PDS5B: variants seen among roughly 807,000 people sequenced by gnomAD.
PDS5B encodes sister chromatid cohesion protein PDS5 homolog B.
In PDS5B, 51 loss-of-function variants were observed where a neutral mutation model predicts 184.1. That is an observed-to-expected ratio of 0.28 (90% CI 0.22 to 0.35). The LOEUF (loss-of-function observed/expected upper bound fraction) is 0.35. Among genes scored for constraint, PDS5B ranks in the 10% least tolerant of loss-of-function variants. PDS5B has a pLI of 1.00. For synonymous variants in PDS5B, 566 were observed against 569.2 expected (o/e 0.99, Z 0.08); for missense variants, 1,180 against 1,723.3 (o/e 0.68, Z 5.58).
chr13:32,724,420 T>C (rs1268403545), intron 19 of PDS5B, among the ~76,000 whole-genome samples: 3 of 152,192 alleles, frequency 2.0e-5, no homozygotes, highest in Admixed American at 1.3e-4. Flanking sequence ...ACATTGTGAT[T>C]GGTTGCTGTG....
chr13:32,627,105 G>T (rs1236011338), intron 1 of PDS5B, among the ~76,000 whole-genome samples: 1 of 152,192 alleles, frequency 6.6e-6, no homozygotes, highest in East Asian at 1.9e-4. Flanking sequence ...TCATGTTCAA[G>T]TGGAACTACC....
chr13:32,598,321 C>A (rs752161297), intron 1 of PDS5B, among the ~76,000 whole-genome samples: 3 of 152,130 alleles, frequency 2.0e-5, no homozygotes, highest in African/African-American at 2.4e-5. Context: ...GATCCACCTG[C>A]CTTGGCCTCC....
At chr13:32,594,060 A>T (rs2057818519) in intron 1 of PDS5B, among the ~76,000 whole-genome samples, 1 of 152,246 alleles carries the variant, frequency 6.6e-6, no homozygotes, top group African/African-American at 2.4e-5. Flanking sequence ...TGATCATTAC[A>T]CATTGTATAT....
chr13:32,600,754 A>C (rs987627906), intron 1 of PDS5B, among the ~76,000 whole-genome samples: 2 of 152,154 alleles, frequency 1.3e-5, no homozygotes, highest in African/African-American at 4.8e-5. Flanking sequence ...CAAAACAAAA[A>C]AATTTGAGGT....
intron 19 of PDS5B, among the ~76,000 whole-genome samples, chr13:32,715,811 G>T (rs1276086842): frequency 1.3e-5 from 2 of 152,150 alleles, no homozygotes; most frequent in African/African-American, 4.8e-5. Flanking sequence ...GGTGCGCGCC[G>T]CCACGCCTGA....
At chr13:32,728,253 C>G (rs904016857) in intron 19 of PDS5B, among the ~76,000 whole-genome samples, 4 of 151,862 alleles carry the variant, frequency 2.6e-5, no homozygotes, top group African/African-American at 7.3e-5. Context: ...TGTAACAGCT[C>G]TTTTAATGTC....
intron 10 of PDS5B, among the ~76,000 whole-genome samples, chr13:32,681,161 CTTCT>C (rs1189556219): frequency 5.9e-5 from 9 of 152,180 alleles, no homozygotes; most frequent in African/African-American, 2.2e-4. Context: ...TGCTTTTTAA[CTTCT>C]ACTCACTGTT....
chr13:32,608,611 A>G (rs1284481905), intron 1 of PDS5B, among the ~76,000 whole-genome samples: 1 of 152,206 alleles, frequency 6.6e-6, no homozygotes, highest in Admixed American at 6.5e-5. Flanking sequence ...TGGAACCTAC[A>G]GAGATTTGGA....
intron 1 of PDS5B, among the ~76,000 whole-genome samples, chr13:32,618,862 C>T (rs2058255624): frequency 6.6e-6 from 1 of 152,012 alleles, no homozygotes; most frequent in African/African-American, 2.4e-5. Context: ...GGGATTGATA[C>T]TTACTTTTTG....
At chr13:32,716,953 C>T (rs1472741374) in intron 19 of PDS5B, among the ~76,000 whole-genome samples, 4 of 112,194 alleles carry the variant, frequency 3.6e-5, no homozygotes, top group Non-Finnish European at 5.8e-5. Flanking sequence ...CCAGCCACCC[C>T]GTCCGGGAGG....
intron 1 of PDS5B, among the ~76,000 whole-genome samples, chr13:32,604,160 C>G (rs559845578): frequency 6.6e-6 from 1 of 152,246 alleles, no homozygotes; most frequent in African/African-American, 2.4e-5. Flanking sequence ...TGCCAGTTTT[C>G]GAAGAGAATG....
At chr13:32,640,499 G>C (rs1020596778) in intron 1 of PDS5B, among the ~76,000 whole-genome samples, 2 of 152,008 alleles carry the variant, frequency 1.3e-5, no homozygotes, top group African/African-American at 4.8e-5. Flanking sequence ...TGCCCACTTT[G>C]GGCTCCCAAA....
At chr13:32,684,707 A>C (rs1951337646) in intron 11 of PDS5B, among the ~76,000 whole-genome samples, 1 of 152,230 alleles carries the variant, frequency 6.6e-6, no homozygotes, top group Non-Finnish European at 1.5e-5. Flanking sequence ...TTTAGGCATA[A>C]GAGTAATTTT....
In PDS5B at chr13:32,596,434, A is replaced by G. The variant is rs115176018; in HGVS notation, c.-20+9841A>G. ...ATCTTCTGTTGATGGACATTTGGGT[A>G]GAATCCAGTTTTTGACTATTATGAA... On this transcript the variant is annotated intron_variant, in intron 1 of 34. Coordinates refer to ENST00000315596, the MANE Select transcript of PDS5B (RefSeq NM_015032.4). 9.5e-3 allele frequency among the ~76,000 whole-genome samples: 1,448 copies of G among 152,290 alleles called. 30 individuals are homozygous for G. Among genetic ancestry groups the G allele is most frequent in the African/African-American group, 0.033 (1,392 of 41,560 alleles).
intron 6 of PDS5B, among the ~76,000 whole-genome samples, chr13:32,662,210 G>A (rs1162885148): frequency 6.6e-6 from 1 of 152,078 alleles, no homozygotes; most frequent in South Asian, 2.1e-4. Context: ...GTCTTTAATG[G>A]ATAAAGAAGA....
Position 32,704,599 on chromosome 13 carries a change from G to C in PDS5B, c.1857-2335G>C, listed in dbSNP as rs556494359. ...AGAAAAATTGATTCTCATTTGATTT[G>C]AGGTGTTCCTTTATTATAGCGTAAA... is the stretch of plus-strand genomic sequence containing the variant. On this transcript the variant is annotated intron_variant, in intron 17 of 34. Transcript: ENST00000315596. Among the ~76,000 whole-genome samples, 66 of 152,192 alleles carry C rather than the reference G, an allele frequency of 4.3e-4. 1 individual carries two copies. The highest frequency in any genetic ancestry group is 8.7e-4 in the Non-Finnish European group (59 of 68,020).
chr13:32,684,424 A>T (rs1412676248), intron 11 of PDS5B, among the ~76,000 whole-genome samples: 1 of 152,232 alleles, frequency 6.6e-6, no homozygotes, highest in Non-Finnish European at 1.5e-5. Context: ...GTTGTATTAT[A>T]ATCAACATGG....
intron 34 of PDS5B, among the ~76,000 whole-genome samples, chr13:32,774,676 C>T (rs1182018671): frequency 1.3e-5 from 2 of 152,044 alleles, no homozygotes; most frequent in Non-Finnish European, 2.9e-5. Flanking sequence ...TTTCATTTAC[C>T]ACAGGAAACA....
chr13:32,662,454 CAGAA>C (rs1173428047), intron 6 of PDS5B, among the ~76,000 whole-genome samples: 1 of 151,946 alleles, frequency 6.6e-6, no homozygotes, highest in Admixed American at 6.6e-5. Context: ...GCATAATTAA[CAGAA>C]AGAAGCAAAT....
Sources: allele counts gnomAD v4.1 joint callset (sites outside exome capture counted in the v4.1 genomes callset), GRCh38; gene constraint gnomAD v4.1.1; transcripts MANE v1.5; gene names NCBI Gene and HGNC (gene_info 2026-07-23, HGNC 2026-07-21).